Variants in LAMA3 observed in about 807,000 individuals in gnomAD.
The protein encoded by LAMA3 is laminin subunit alpha 3, also known as laminin subunit alpha-3.
LAMA3 carries 281 observed loss-of-function variants against 402.0 expected under a neutral mutation model. The ratio of observed to expected loss-of-function variants is 0.70; its 90% CI spans 0.63 to 0.77. The LOEUF (loss-of-function observed/expected upper bound fraction) is 0.77. Among genes scored for constraint, LAMA3 ranks in the 30% least tolerant of loss-of-function variants. The probability of loss-of-function intolerance (pLI) is 0.00; values close to 1 mark genes in which losing one functional copy is unlikely to be tolerated. For synonymous variants in LAMA3, 1,431 were observed against 1,558.4 expected (o/e 0.92, Z 1.93); for missense variants, 3,840 against 4,215.5 (o/e 0.91, Z 2.47).
chr18:23,893,026 A>G (rs1237402242), intron 42 of LAMA3, among the ~76,000 whole-genome samples: 1 of 151,952 alleles, frequency 6.6e-6, no homozygotes, highest in African/African-American at 2.4e-5. Flanking sequence ...GGCAGGATCA[A>G]GGATGATGCT....
In LAMA3 at chr18:23,749,516, T is replaced by A. The variant is rs747240253; in HGVS notation, c.654T>A (p.Tyr218Ter). The change falls in exon 4 of 75, where the codon TAT (tyrosine) becomes TAA (stop). Residue 218 changes from tyrosine to a stop codon, truncating the protein, a stop_gained. Coordinates refer to ENST00000313654, the MANE Select transcript of LAMA3 (RefSeq NM_198129.4). LOFTEE classifies it high-confidence loss of function. Reference protein sequence around the residue: ...RDDDVLCVTEYSRIVPLENGE... With the variant: ...RDDDVLCVTE ...ATGATGTACTTTGTGTTACTGAATA[T>A]TCCCGTATTGTACCTTTGGAAAATG... 6.2e-7 allele frequency: 1 copy of A among 1,609,516 alleles called. No homozygotes were observed. The highest frequency in any genetic ancestry group is 1.1e-5 in the South Asian group (1 of 90,986).
At chr18:23,917,809 TGTTTACTCTGTTGATA>T (rs926337515) in intron 60 of LAMA3, among the ~76,000 whole-genome samples, 2 of 152,214 alleles carry the variant, frequency 1.3e-5, no homozygotes, top group Non-Finnish European at 2.9e-5. Context: ...GTGGGTTGTC[TGTTTACTCTGTTGATA>T]GTTTACTCTG....
intron 43 of LAMA3, 87 bp from the exon 44 acceptor site, chr18:23,894,820 C>T: frequency 6.5e-7 from 1 of 1,548,702 alleles, no homozygotes. Flanking sequence ...TGCGTGCATG[C>T]CAACTGGGCT....
At chr18:23,891,307 G>C (rs2080655103) in intron 42 of LAMA3, among the ~76,000 whole-genome samples, 1 of 152,226 alleles carries the variant, frequency 6.6e-6, no homozygotes, top group South Asian at 2.1e-4. Flanking sequence ...AGTCTGTCCA[G>C]GTGTGTTGAC....
Position 23,928,736 on chromosome 18 carries a change from A to G in LAMA3, c.8407A>G (p.Ser2803Gly), listed in dbSNP as rs780224848. Residue 2803 changes from serine (S) to glycine (G), a missense_variant, in exon 64 of 75, where the codon AGT (serine) becomes GGT (glycine). Ser to Gly is a moderately conservative substitution (Grantham distance 56). Transcript: ENST00000313654. ...ASFGFQTFQP[S>G]GILLDHQTWT... Reference sequence around the variant, plus strand: ...ATTTGGATTTCAGACCTTTCAACCCAGTGGCATATTATTAGATCATCAGAC... The same window carrying G: ...ATTTGGATTTCAGACCTTTCAACCCGGTGGCATATTATTAGATCATCAGAC... 1.9e-6 allele frequency: 3 copies of G among 1,614,062 alleles called. No homozygotes were observed. The highest frequency in any genetic ancestry group is 1.7e-6 in the Non-Finnish European group (2 of 1,179,888).
chr18:23,731,723 C>T (rs1483131205), intron 2 of LAMA3, among the ~76,000 whole-genome samples: 1 of 152,020 alleles, frequency 6.6e-6, no homozygotes, highest in Admixed American at 6.6e-5. Context: ...TTTTAAAAGG[C>T]TCATGTCTTT....
At chr18:23,793,765 G>A (rs1452250272) in intron 12 of LAMA3, among the ~76,000 whole-genome samples, 3 of 152,134 alleles carry the variant, frequency 2.0e-5, no homozygotes, top group Non-Finnish European at 2.9e-5. Flanking sequence ...ATTCAATTCT[G>A]ACACTGCTTA....
chr18:23,946,355 A>G, intron 70 of LAMA3, 71 bp downstream of exon 70: 1 of 1,436,774 alleles, frequency 7.0e-7, no homozygotes, highest in Non-Finnish European at 9.8e-7. Flanking sequence ...TGTATGAGAT[A>G]TTCAAAATAC....
chr18:23,735,146 C>T (rs1219719656), intron 2 of LAMA3, among the ~76,000 whole-genome samples: 1 of 152,104 alleles, frequency 6.6e-6, no homozygotes, highest in East Asian at 1.9e-4. Context: ...GTACATGTGC[C>T]CACTGGCAAT....
At position 23,831,353 on chromosome 18, in the gene LAMA3, C is replaced by T. The variant is rs549340137; in HGVS notation, c.2824-2475C>T. On this transcript the variant is annotated intron_variant, in intron 23 of 74. Coordinates refer to ENST00000313654, the MANE Select transcript of LAMA3 (RefSeq NM_198129.4). ...CCTCTTGCTCTCTGTTTCTCTGCTCCTCTGACCTACCTTCAGTCTCTTGGG... is the reference window on the plus strand; with the variant it reads ...CCTCTTGCTCTCTGTTTCTCTGCTCTTCTGACCTACCTTCAGTCTCTTGGG... 2.4e-4 allele frequency among the ~76,000 whole-genome samples: 37 copies of T among 152,252 alleles called. No homozygotes were observed. The South Asian group carries it at 6.0e-3, about 25-fold the overall frequency.
intron 25 of LAMA3, 65 bp downstream of exon 25, chr18:23,837,154 T>G (rs2063599633): frequency 8.7e-7 from 1 of 1,148,484 alleles, no homozygotes; most frequent in Admixed American, 1.9e-5. Context: ...TTTTTGAAGC[T>G]TATTAAAATT....
chr18:23,775,983 A>G (rs1483503693), intron 10 of LAMA3, 60 bp downstream of exon 10: 3 of 1,588,616 alleles, frequency 1.9e-6, no homozygotes, highest in Non-Finnish European at 2.6e-6. Flanking sequence ...GCTTTTGTGC[A>G]CTAACCTCTG....
chr18:23,756,180 G>A (rs1401045517), intron 6 of LAMA3, among the ~76,000 whole-genome samples: 2 of 152,162 alleles, frequency 1.3e-5, no homozygotes, highest in Non-Finnish European at 2.9e-5. Context: ...AGGCAGTTGA[G>A]TGTGGAGAGG....
chr18:23,833,815 G>A lies in LAMA3; in HGVS notation c.2824-13G>A. 1 of 1,612,452 alleles carries A rather than the reference G, an allele frequency of 6.2e-7. No individual in the cohort carries two copies. Among genetic ancestry groups the A allele is most frequent in the Non-Finnish European group, 8.5e-7 (1 of 1,179,960 alleles). On this transcript the variant is annotated splice_polypyrimidine_tract_variant and intron_variant, in intron 23 of 74. Coordinates refer to ENST00000313654, the MANE Select transcript of LAMA3 (RefSeq NM_198129.4). ...AGCTGGATCACAGTCTGTCTGCTTG[G>A]CCTCTGTGACAGGTGGAATTGCATC...
intron 41 of LAMA3, among the ~76,000 whole-genome samples, chr18:23,889,227 G>C (rs2080554308): frequency 2.0e-5 from 3 of 152,134 alleles, no homozygotes. Context: ...AGGAGTTCAA[G>C]ACCAGCCTGG....
At chr18:23,742,212 A>G (rs1355971154) in intron 2 of LAMA3, among the ~76,000 whole-genome samples, 2 of 152,232 alleles carry the variant, frequency 1.3e-5, no homozygotes, top group Non-Finnish European at 2.9e-5. Context: ...TGATTCTGTG[A>G]CCAATTCTAT....
intron 25 of LAMA3, among the ~76,000 whole-genome samples, chr18:23,838,013 T>C (rs921795334): frequency 6.6e-6 from 1 of 152,188 alleles, no homozygotes; most frequent in Non-Finnish European, 1.5e-5. Context: ...ATAATGGAGC[T>C]GAATCTTCAT....
At chr18:23,760,771 T>C (rs766062744) in intron 7 of LAMA3, among the ~76,000 whole-genome samples, 2 of 152,208 alleles carry the variant, frequency 1.3e-5, no homozygotes, top group Non-Finnish European at 2.9e-5. Context: ...TTATAAACAA[T>C]AGCCTCAAAG....
At chr18:23,717,514 A>G (rs2061123469) in intron 2 of LAMA3, among the ~76,000 whole-genome samples, 1 of 150,642 alleles carries the variant, frequency 6.6e-6, no homozygotes, top group Non-Finnish European at 1.5e-5. Flanking sequence ...AAGTTTGACA[A>G]ATAAAAACAT....
Sources: gnomAD v4.1 joint callset for allele counts (sites outside exome capture counted in the v4.1 genomes callset) on GRCh38, gnomAD v4.1.1 for gene constraint, MANE v1.5 for transcripts, NCBI Gene and HGNC (gene_info 2026-07-23, HGNC 2026-07-21) for gene names.